The following SOX6 variants were observed in gnomAD, a reference collection of about 807,000 sequenced individuals.
SOX6 encodes the protein SRY-box transcription factor 6.
SOX6 carries 11 observed loss-of-function variants against 97.8 expected under a neutral mutation model. The ratio of observed to expected loss-of-function variants is 0.11; its 90% CI spans 0.07 to 0.19. The LOEUF is 0.19. SOX6 is among the 10% of genes least tolerant of loss of function. The pLI is 1.00. For synonymous variants in SOX6, 360 were observed against 371.4 expected, an observed-to-expected ratio of 0.97 and a Z score of 0.35; for missense variants, 810 against 1,039.5, an observed-to-expected ratio of 0.78 and a Z score of 3.04.
At chr11:16,640,395 G>C (rs1848889379) in intron 3 of SOX6, among the ~76,000 whole-genome samples, 1 of 152,206 alleles carries the variant, frequency 6.6e-6, no homozygotes, top group African/African-American at 2.4e-5. Flanking sequence ...TCTCTGCCAG[G>C]CTTTGCTATC....
At chr11:16,039,491 G>A (rs1855601582) in intron 12 of SOX6, among the ~76,000 whole-genome samples, 1 of 151,956 alleles carries the variant, frequency 6.6e-6, no homozygotes, top group African/African-American at 2.4e-5. Flanking sequence ...GGGTCCACTA[G>A]ATCAAAACTA....
intron 9 of SOX6, among the ~76,000 whole-genome samples, chr11:16,095,589 A>G (rs1216249786): frequency 6.6e-6 from 1 of 151,874 alleles, no homozygotes; most frequent in Non-Finnish European, 1.5e-5. Context: ...TGTTTTATCT[A>G]TACAAGCAGA....
At chr11:16,011,131 T>C (rs1778304726) in intron 13 of SOX6, among the ~76,000 whole-genome samples, 1 of 152,060 alleles carries the variant, frequency 6.6e-6, no homozygotes, top group African/African-American at 2.4e-5. Flanking sequence ...AGAATTGCAC[T>C]CTTGCCTAAG....
chr11:16,306,842 T>C (rs1490124991), intron 3 of SOX6, among the ~76,000 whole-genome samples: 1 of 151,998 alleles, frequency 6.6e-6, no homozygotes, highest in Non-Finnish European at 1.5e-5. Flanking sequence ...GTCAGGATGG[T>C]CTCGATCTCC....
At chr11:16,193,968 A>G (rs2134116914) in intron 4 of SOX6, among the ~76,000 whole-genome samples, 1 of 152,340 alleles carries the variant, frequency 6.6e-6, no homozygotes, top group South Asian at 2.1e-4. Flanking sequence ...TCACAAGCTC[A>G]GTCCATCATT....
chr11:16,554,289 G>A (rs575494205), intron 4 of SOX6, among the ~76,000 whole-genome samples: 26 of 152,118 alleles, frequency 1.7e-4, no homozygotes, highest in Admixed American at 9.2e-4. Context: ...ATTTCTGTTC[G>A]TTATTAGTCT....
chr11:16,554,230 T>C (rs933668255), intron 4 of SOX6, among the ~76,000 whole-genome samples: 1 of 152,114 alleles, frequency 6.6e-6, no homozygotes, highest in Non-Finnish European at 1.5e-5. Context: ...AACCCTTTGA[T>C]AACAGGTTTC....
rs980555736 is a variant in SOX6, at chr11:15,996,180, T to C, written c.1733-6950A>G. Among the ~76,000 whole-genome samples, 3 of 152,110 alleles carry C rather than the reference T, an allele frequency of 2.0e-5. No homozygotes were observed. In the South Asian group the frequency reaches 6.2e-4, roughly 32 times the overall value. On this transcript the variant is annotated intron_variant, in intron 13 of 15. Coordinates refer to ENST00000683767, the MANE Select transcript of SOX6 (RefSeq NM_001367873.1). ...ACTTATAACATATAAAAAGGTGAAA[T>C]ATGGAACAACAATAGCATATTACCA...
intron 4 of SOX6, among the ~76,000 whole-genome samples, chr11:16,201,467 A>C (rs1462643439): frequency 6.6e-6 from 1 of 151,166 alleles, no homozygotes; most frequent in Non-Finnish European, 1.5e-5. Flanking sequence ...ACTATTTAAA[A>C]TATGTAGAAA....
chr11:16,721,546 CT>C (rs60685175), intron 2 of SOX6, among the ~76,000 whole-genome samples: 1 of 40,432 alleles, frequency 2.5e-5, no homozygotes, highest in African/African-American at 1.1e-4. Context: ...CTCTCTCTCT[CT>C]CTCTTCCCCC....
Position 16,186,653 on chromosome 11 carries a change from TTC to T in SOX6, c.708+128_708+129del, listed in dbSNP as rs200919589. 310 of 1,174,566 alleles carry T rather than the reference TTC, an allele frequency of 2.6e-4. 2 individuals carry two copies. Among genetic ancestry groups the T allele is most frequent in the Non-Finnish European group, 2.6e-4 (220 of 848,438 alleles). The allele number at this position is 1,174,566 out of a possible 1,614,324, so 72.8% of individuals were successfully genotyped here. ...ATTTCCAGAAGGCTTTGTTTTTTTTTTCCATCTTTTCTTATTTTTATTTTTAT... is the reference window on the plus strand; with the variant it reads ...ATTTCCAGAAGGCTTTGTTTTTTTTTCATCTTTTCTTATTTTTATTTTTAT... On this transcript the variant is annotated intron_variant, in intron 5 of 15. Coordinates refer to ENST00000683767, the MANE Select transcript of SOX6 (RefSeq NM_001367873.1).
rs1853335922 is a variant in SOX6 at position 15,972,144 on chromosome 11, T to C, written c.*665A>G. 6.5e-6 allele frequency: 1 copy of C among 152,788 alleles called. No individual in the cohort carries two copies. The highest frequency in any genetic ancestry group is 2.1e-4 in the South Asian group (1 of 4,842). 9.5% of individuals were successfully genotyped at this position (152,788 alleles called of 1,614,324 possible). On this transcript the variant is annotated 3_prime_UTR_variant, in exon 16 of 16. Transcript: ENST00000683767. ...TACCATTTTCTGGAAAAAAAAATGTTGGTTTGCTATTTTATTTTAAGATGC... is the reference window on the plus strand; with the variant it reads ...TACCATTTTCTGGAAAAAAAAATGTCGGTTTGCTATTTTATTTTAAGATGC...
At chr11:16,467,683 G>A (rs919458552) in intron 1 of SOX6, among the ~76,000 whole-genome samples, 1 of 152,120 alleles carries the variant, frequency 6.6e-6, no homozygotes, top group Non-Finnish European at 1.5e-5. Context: ...CTAGCTGATG[G>A]TACTTGGGTT....
intron 4 of SOX6, among the ~76,000 whole-genome samples, chr11:16,485,959 AGG>A (rs1860423923): frequency 4.5e-4 from 1 of 2,204 alleles, no homozygotes; most frequent in Non-Finnish European, 6.8e-4. Context: ...AGGGGAGGGG[AGG>A]GGAGGGGAGG....
At chr11:16,042,130 A>G (rs942917010) in intron 12 of SOX6, among the ~76,000 whole-genome samples, 3 of 152,290 alleles carry the variant, frequency 2.0e-5, no homozygotes, top group Non-Finnish European at 4.4e-5. Flanking sequence ...TGAGACTCAG[A>G]GAGGTTAAAT....
intron 12 of SOX6, among the ~76,000 whole-genome samples, chr11:16,043,442 C>T (rs1337050497): frequency 1.3e-5 from 2 of 152,124 alleles, no homozygotes; most frequent in African/African-American, 4.8e-5. Context: ...CGTGACACAT[C>T]GACACAGTCG....
intron 6 of SOX6, among the ~76,000 whole-genome samples, chr11:16,144,598 G>A (rs775179439): frequency 7.2e-5 from 11 of 152,030 alleles, no homozygotes; most frequent in South Asian, 2.1e-4. Context: ...TTGATAGAAC[G>A]CTAGCAAGAC....
chr11:16,511,885 A>G (rs1860884119), intron 4 of SOX6, among the ~76,000 whole-genome samples: 1 of 152,176 alleles, frequency 6.6e-6, no homozygotes, highest in Non-Finnish European at 1.5e-5. Context: ...AAAAGGAAGG[A>G]GATTAAGGTT....
intron 4 of SOX6, among the ~76,000 whole-genome samples, chr11:16,493,922 G>A (rs574971011): frequency 7.4e-4 from 112 of 152,106 alleles, no homozygotes; most frequent in African/African-American, 2.5e-3. Context: ...TTTTTCCTAC[G>A]TAGACATTTG....
Sources: allele counts gnomAD v4.1 joint callset (sites outside exome capture counted in the v4.1 genomes callset), GRCh38; gene constraint gnomAD v4.1.1; transcripts MANE v1.5; gene names NCBI Gene and HGNC (gene_info 2026-07-23, HGNC 2026-07-21).